The following SMG6 variants were observed in gnomAD, a reference collection of about 807,000 sequenced individuals.
SMG6 encodes the protein SMG6 nonsense mediated mRNA decay factor.
Under a neutral mutation model 142.2 loss-of-function variants are expected in SMG6, and 66 were observed. The observed-to-expected ratio is 0.46, with a 90% CI of 0.38 to 0.57. SMG6 has a LOEUF of 0.57. Ranked by LOEUF, SMG6 falls within the 20% of genes least tolerant of loss-of-function variation. SMG6 has a pLI of 0.00. For missense variants in SMG6, 1,793 were observed against 1,832.0 expected, an observed-to-expected ratio of 0.98 and a Z score of 0.39; for synonymous variants, 779 against 702.4, an observed-to-expected ratio of 1.11 and a Z score of -1.72.
chr17:2,292,133 G>C (rs1039627322), intron 6 of SMG6, among the ~76,000 whole-genome samples: 1 of 152,136 alleles, frequency 6.6e-6, no homozygotes, highest in Non-Finnish European at 1.5e-5. Flanking sequence ...ACAGGGTCTA[G>C]GGAAAGGAAG....
chr17:2,065,229 G>A, intron 17 of SMG6, 75 bp from the exon 18 acceptor site: 4 of 1,285,072 alleles, frequency 3.1e-6, no homozygotes, highest in Non-Finnish European at 4.5e-6. Flanking sequence ...GGGATCCTCT[G>A]CCTCGGGGGC....
intron 13 of SMG6, chr17:2,101,010 A>C (rs1356426712): frequency 6.6e-6 from 1 of 152,346 alleles, no homozygotes; most frequent in East Asian, 1.9e-4. Flanking sequence ...TTACTGCTTT[A>C]AAGGATGGAA....
chr17:2,061,954 A>C, intron 18 of SMG6: 2 of 204,508 alleles, frequency 9.8e-6, no homozygotes, highest in South Asian at 8.9e-5. Context: ...ACTCCTTTTT[A>C]CCACATGGCT....
In SMG6 at chr17:2,081,982, CAA is replaced by C. The variant is rs774425797; in HGVS notation, c.3535-28_3535-27del. On this transcript the variant is annotated intron_variant, in intron 14 of 18. Coordinates refer to ENST00000263073, the MANE Select transcript of SMG6 (RefSeq NM_017575.5). ...CTTTGGGTGGTGGAGCCGACCAGGA[CAA>C]AGAGGAGACAGTTAGCTGGGCCCAT... 1.9e-5 allele frequency: 31 copies of C among 1,613,486 alleles called. No homozygotes were observed. The African/African-American group carries it at 2.0e-4, about 10-fold the overall frequency.
intron 13 of SMG6, among the ~76,000 whole-genome samples, chr17:2,096,678 TCCAGTCTG>T (rs2054629200): frequency 6.6e-6 from 1 of 152,214 alleles, no homozygotes; most frequent in African/African-American, 2.4e-5. Context: ...TTAGCCTTTG[TCCAGTCTG>T]CCAGCCTACC....
rs768890281 is a variant in SMG6 at position 2,085,123 on chromosome 17, C to T, written c.3534+602G>A. Among the ~76,000 whole-genome samples, 16 of 152,126 alleles carry T rather than the reference C, an allele frequency of 1.1e-4. No individual in the cohort carries two copies. The highest frequency in any genetic ancestry group is 1.5e-4 in the Non-Finnish European group (10 of 68,024). ...ACACAGGCTCATGCATGTGCATGCG[C>T]GTGCGCACACACACACACAGACGCG... On this transcript the variant is annotated intron_variant, in intron 14 of 18. Transcript: ENST00000263073. This position sits in a 1 kb window ranked among gnomAD's most constrained non-coding sequence, Gnocchi z 4.1.
At chr17:2,246,683 T>C (rs2073934456) in intron 8 of SMG6, among the ~76,000 whole-genome samples, 1 of 152,186 alleles carries the variant, frequency 6.6e-6, no homozygotes. Flanking sequence ...CAGTGGCTCA[T>C]GCCTGGAATC....
chr17:2,295,547 C>A (rs1156299420), intron 4 of SMG6, among the ~76,000 whole-genome samples: 1 of 152,162 alleles, frequency 6.6e-6, no homozygotes, highest in Non-Finnish European at 1.5e-5. Context: ...TTGATAAGTT[C>A]ATCCAATCCA....
At chr17:2,213,878 C>T (rs1483722493) in intron 10 of SMG6, 1 of 152,202 alleles carries the variant, frequency 6.6e-6, no homozygotes, top group African/African-American at 2.4e-5. Flanking sequence ...TTTTATTAAT[C>T]TCCAAACTGG....
intron 13 of SMG6, among the ~76,000 whole-genome samples, chr17:2,167,640 C>T (rs2071382519): frequency 1.3e-5 from 2 of 152,174 alleles, no homozygotes; most frequent in Admixed American, 1.3e-4. Flanking sequence ...AACTGTCTCT[C>T]GAACTAGGAA....
Position 2,077,514 on chromosome 17 carries a change from G to A in SMG6, c.3681+4296C>T, listed in dbSNP as rs867419522. Among the ~76,000 whole-genome samples the A allele has an allele frequency of 3.9e-5, 6 of 152,176 alleles. No homozygotes were observed. The South Asian group carries it at 1.2e-3, about 32-fold the overall frequency. On this transcript the variant is annotated intron_variant, in intron 15 of 18. Transcript: ENST00000263073. ...TGAGGGACAGCATGAACAAAAACCCGAGTGGAAAAAGGCAGAGCATGCCTA... is the reference window on the plus strand; with the variant it reads ...TGAGGGACAGCATGAACAAAAACCCAAGTGGAAAAAGGCAGAGCATGCCTA...
chr17:2,067,524 G>A (rs868391220), intron 16 of SMG6, among the ~76,000 whole-genome samples: 1 of 152,198 alleles, frequency 6.6e-6, no homozygotes, highest in Non-Finnish European at 1.5e-5. Flanking sequence ...CCGCCCCAGC[G>A]AGGAGAAGGG....
chr17:2,176,548 G>A (rs967401390), intron 12 of SMG6, among the ~76,000 whole-genome samples: 14 of 152,116 alleles, frequency 9.2e-5, no homozygotes, highest in Admixed American at 5.9e-4. Flanking sequence ...ACAATATCCC[G>A]CTAAAGTTAG....
intron 10 of SMG6, among the ~76,000 whole-genome samples, chr17:2,219,568 T>A (rs1200071450): frequency 6.6e-6 from 1 of 151,616 alleles, no homozygotes; most frequent in Admixed American, 6.6e-5. Context: ...GTGAGAGGAC[T>A]GCTTGAGCCC....
At chr17:2,154,188 C>T (rs576850925) in intron 13 of SMG6, among the ~76,000 whole-genome samples, 15 of 143,258 alleles carry the variant, frequency 1.0e-4, no homozygotes, top group African/African-American at 3.7e-4. Context: ...GTGACGGTGA[C>T]GGGGGAACCT....
At chr17:2,111,181 T>G (rs897621004) in intron 13 of SMG6, among the ~76,000 whole-genome samples, 1 of 148,340 alleles carries the variant, frequency 6.7e-6, no homozygotes, top group African/African-American at 2.6e-5. Context: ...AATAAAACAA[T>G]GCTCCTGTTC....
chr17:2,215,931 C>G (rs2073005468), intron 10 of SMG6: 1 of 152,218 alleles, frequency 6.6e-6, no homozygotes, highest in South Asian at 2.1e-4. Context: ...CCACCAACCC[C>G]TTCCCAAGCC....
At chr17:2,088,940 T>G (rs1285262043) in intron 13 of SMG6, among the ~76,000 whole-genome samples, 1 of 152,216 alleles carries the variant, frequency 6.6e-6, no homozygotes, top group Middle Eastern at 3.2e-3. Context: ...CCTCCAGCAC[T>G]TGAGTCAGGG....
At chr17:2,230,222 G>GGAAAAAAAAAAA (rs2073440665) in intron 10 of SMG6, among the ~76,000 whole-genome samples, 1 of 29,848 alleles carries the variant, frequency 3.4e-5, no homozygotes, top group African/African-American at 1.4e-4. Context: ...AAAAAAAAAA[G>GGAAAAAAAAAAA]GAAAAGAAAG....
Sources: allele counts gnomAD v4.1 joint callset (sites outside exome capture counted in the v4.1 genomes callset), GRCh38; gene constraint gnomAD v4.1.1; non-coding constraint Gnocchi (gnomAD v3.1); transcripts MANE v1.5; gene names NCBI Gene and HGNC (gene_info 2026-07-23, HGNC 2026-07-21).